The following IGBP1C variants were observed in gnomAD, a reference collection of about 807,000 sequenced individuals.
IGBP1C encodes IGBP1 family member C, also known as immunoglobulin-binding protein 1 family member C.
chr17:58,665,685 A>T, the IGBP1C span, among the ~76,000 whole-genome samples: 1 of 152,114 alleles, frequency 6.6e-6, no homozygotes, highest in Non-Finnish European at 1.5e-5. Flanking sequence ...GTACAGCTTT[A>T]AACAGTAAGC....
the IGBP1C span, among the ~76,000 whole-genome samples, chr17:58,671,310 T>C: frequency 6.6e-6 from 1 of 152,210 alleles, no homozygotes; most frequent in Non-Finnish European, 1.5e-5. Flanking sequence ...AGTAACTTTT[T>C]GTGCCATCCC....
At chr17:58,664,894 G>C in the IGBP1C span, among the ~76,000 whole-genome samples, 1 of 152,162 alleles carries the variant, frequency 6.6e-6, no homozygotes, top group Admixed American at 6.5e-5. Flanking sequence ...AGGCCACCCT[G>C]GGTTCAGTGG....
chr17:58,680,133 A>G, the IGBP1C span, among the ~76,000 whole-genome samples: 1 of 151,918 alleles, frequency 6.6e-6, no homozygotes, highest in East Asian at 1.9e-4. Context: ...AGGCTGGGGT[A>G]CAGTAGTTAT....
At chr17:58,669,058 AG>A in the IGBP1C span, among the ~76,000 whole-genome samples, 26 of 152,182 alleles carry the variant, frequency 1.7e-4, no homozygotes, top group Non-Finnish European at 3.7e-4. Context: ...TGTGTAAAAA[AG>A]GGGGAGACAA....
At chr17:58,682,605 G>A in the IGBP1C span, among the ~76,000 whole-genome samples, 1 of 151,608 alleles carries the variant, frequency 6.6e-6, no homozygotes. Flanking sequence ...ACAAAATGTT[G>A]ATAATTTACA....
At chr17:58,663,237 A>C in the IGBP1C span, among the ~76,000 whole-genome samples, 1 of 151,968 alleles carries the variant, frequency 6.6e-6, no homozygotes, top group Non-Finnish European at 1.5e-5. Flanking sequence ...ATCCTGACTA[A>C]CATGGAGAAA....
the IGBP1C span, among the ~76,000 whole-genome samples, chr17:58,684,099 T>C: frequency 1.3e-5 from 2 of 151,706 alleles, no homozygotes; most frequent in African/African-American, 4.8e-5. Context: ...ACATTTCATA[T>C]AGAAGGGGAA....
the IGBP1C span, among the ~76,000 whole-genome samples, chr17:58,690,950 C>T: frequency 6.6e-6 from 1 of 152,132 alleles, no homozygotes. Context: ...CACTCCCAGG[C>T]TGAAGGGATC....
the IGBP1C span, among the ~76,000 whole-genome samples, chr17:58,691,098 C>G: frequency 2.2e-3 from 340 of 151,964 alleles, 6 homozygotes; most frequent in Non-Finnish European, 2.4e-4. Context: ...CAAAGAGATC[C>G]ACCTGCCTCG....
the IGBP1C span, among the ~76,000 whole-genome samples, chr17:58,675,848 C>G: frequency 6.6e-6 from 1 of 152,182 alleles, no homozygotes; most frequent in African/African-American, 2.4e-5. Flanking sequence ...GCCTGGGCCT[C>G]CAAAGGTACG....
the IGBP1C span, among the ~76,000 whole-genome samples, chr17:58,683,378 C>A: frequency 8.8e-5 from 13 of 147,508 alleles, no homozygotes; most frequent in East Asian, 1.4e-3. Flanking sequence ...ATCCCCCCCC[C>A]CAAAAAAAAA....
At chr17:58,670,771 TTAAAAAAAAAAA>T in the IGBP1C span, among the ~76,000 whole-genome samples, 11 of 7,956 alleles carry the variant, frequency 1.4e-3, no homozygotes, top group Admixed American at 4.2e-3. Context: ...AGACTCCCTC[TTAAAAAAAAAAA>T]AAAAAAAAAA....
chr17:58,660,801 T>C, the IGBP1C span: 12 of 781,728 alleles, frequency 1.5e-5, no homozygotes, highest in Admixed American at 2.0e-4. Context: ...CTCACTGTCA[T>C]GGAAGCCAGA....
At chr17:58,667,970 C>T in the IGBP1C span, among the ~76,000 whole-genome samples, 1 of 152,110 alleles carries the variant, frequency 6.6e-6, no homozygotes, top group African/African-American at 2.4e-5. Context: ...TCTCATAGGC[C>T]AGTCTGTGCA....
chr17:58,662,339 A>G, the IGBP1C span, among the ~76,000 whole-genome samples: 440 of 151,592 alleles, frequency 2.9e-3, 2 homozygotes, highest in African/African-American at 0.01. Context: ...AATCCCAGCT[A>G]CTCAGGAGGC....
At chr17:58,675,907 T>C in the IGBP1C span, among the ~76,000 whole-genome samples, 1 of 152,190 alleles carries the variant, frequency 6.6e-6, no homozygotes, top group Admixed American at 6.5e-5. Context: ...CATTTTTAAA[T>C]TGATATATCA....
At chr17:58,661,887 AC>A in the IGBP1C span, 4 of 328,724 alleles carry the variant, frequency 1.2e-5, no homozygotes, top group African/African-American at 8.6e-5. Context: ...TTCTGTGAGG[AC>A]TGAATAAGAG....
the IGBP1C span, among the ~76,000 whole-genome samples, chr17:58,678,753 A>G: frequency 1.3e-5 from 2 of 151,588 alleles, no homozygotes; most frequent in African/African-American, 4.8e-5. Flanking sequence ...CAGCAAACCA[A>G]CATGGCACAT....
the IGBP1C span, among the ~76,000 whole-genome samples, chr17:58,667,348 T>C: frequency 6.6e-6 from 1 of 152,234 alleles, no homozygotes; most frequent in Non-Finnish European, 1.5e-5. Context: ...CCTGCATTAC[T>C]GTCCTTGGAG....
Sources: gnomAD v4.1 joint callset for allele counts (sites outside exome capture counted in the v4.1 genomes callset) on GRCh38, gnomAD v4.1.1 for gene constraint, MANE v1.5 for transcripts, NCBI Gene and HGNC (gene_info 2026-07-23, HGNC 2026-07-21) for gene names.